The following MCTP1 variants were observed in gnomAD, a reference collection of about 807,000 sequenced individuals.
MCTP1 encodes multiple C2 and transmembrane domain containing 1.
Under a neutral mutation model 120.6 loss-of-function variants are expected in MCTP1, and 69 were observed. The ratio of observed to expected loss-of-function variants is 0.57; its 90% CI spans 0.47 to 0.70. The LOEUF (loss-of-function observed/expected upper bound fraction) is 0.70, where lower values mean the gene tolerates loss of function less well. Ranked by LOEUF, MCTP1 falls within the 30% of genes least tolerant of loss-of-function variation. The probability of loss-of-function intolerance (pLI) is 0.00; values close to 1 mark genes in which losing one functional copy is unlikely to be tolerated. For missense variants in MCTP1, 1,203 were observed against 1,248.8 expected (o/e 0.96, Z 0.55); for synonymous variants, 529 against 493.1 (o/e 1.07, Z -0.96).
intron 1 of MCTP1, among the ~76,000 whole-genome samples, chr5:95,165,057 T>C (rs1475251887): frequency 6.6e-6 from 1 of 152,130 alleles, no homozygotes; most frequent in Non-Finnish European, 1.5e-5. Context: ...TCACAAGTCA[T>C]TGGTGAGAAG....
At chr5:94,904,367 C>A (rs944545435) in intron 10 of MCTP1, among the ~76,000 whole-genome samples, 40 of 152,172 alleles carry the variant, frequency 2.6e-4, no homozygotes, top group African/African-American at 9.7e-4. Context: ...TAATATGAAC[C>A]ACCCCTGCTA....
chr5:95,168,155 C>A (rs183212246), intron 1 of MCTP1, among the ~76,000 whole-genome samples: 60 of 152,270 alleles, frequency 3.9e-4, no homozygotes, highest in Middle Eastern at 3.4e-3. Flanking sequence ...AATAGGGAAT[C>A]CTTTCCCCAT....
At chr5:94,935,746 G>T (rs532724986) in intron 5 of MCTP1, among the ~76,000 whole-genome samples, 12 of 151,998 alleles carry the variant, frequency 7.9e-5, no homozygotes, top group Non-Finnish European at 1.2e-4. Context: ...CTCTGTGAGG[G>T]TCAATGTAAA....
intron 1 of MCTP1, among the ~76,000 whole-genome samples, chr5:95,190,078 T>C (rs1582482054): frequency 6.6e-6 from 1 of 152,130 alleles, no homozygotes. Flanking sequence ...TCTTTATTAA[T>C]GGCCTTCAAC....
intron 17 of MCTP1, among the ~76,000 whole-genome samples, chr5:94,831,314 A>G (rs1300844714): frequency 6.6e-6 from 1 of 152,240 alleles, no homozygotes; most frequent in Non-Finnish European, 1.5e-5. Context: ...AAATGGGCCT[A>G]TAGATTATGT....
At chr5:94,967,464 AACCTGAACTTAACTGCT>A (rs747136058) in intron 2 of MCTP1, among the ~76,000 whole-genome samples, 1 of 152,222 alleles carries the variant, frequency 6.6e-6, no homozygotes, top group Non-Finnish European at 1.5e-5. Context: ...AGGCTGCTGG[AACCTGAACTTAACTGCT>A]ACACTAGGCT....
intron 19 of MCTP1, among the ~76,000 whole-genome samples, chr5:94,728,298 C>T (rs10476615): frequency 0.27 from 40,348 of 152,028 alleles, 5,817 homozygotes; most frequent in African/African-American, 0.32. Flanking sequence ...CAGGATAAAA[C>T]AGTCTTAAGA....
chr5:95,117,757 T>G (rs2152400607), intron 1 of MCTP1, among the ~76,000 whole-genome samples: 1 of 152,268 alleles, frequency 6.6e-6, no homozygotes, highest in Non-Finnish European at 1.5e-5. Flanking sequence ...AGACATGGAA[T>G]AAAGCCAAAT....
intron 2 of MCTP1, among the ~76,000 whole-genome samples, chr5:94,966,283 TTAACTC>T (rs973372609): frequency 1.3e-5 from 2 of 152,188 alleles, no homozygotes; most frequent in African/African-American, 4.8e-5. Flanking sequence ...ATATTTTTCT[TTAACTC>T]TAAAACAGTG....
intron 17 of MCTP1, among the ~76,000 whole-genome samples, chr5:94,809,767 C>G (rs562636150): frequency 3.9e-5 from 6 of 152,182 alleles, no homozygotes; most frequent in African/African-American, 1.4e-4. Flanking sequence ...GTAACAATCA[C>G]TCTAAAAAAT....
At chr5:95,151,131 ATATATATATATATATATATATATAG>A (rs1457766545) in intron 1 of MCTP1, among the ~76,000 whole-genome samples, 1 of 17,396 alleles carries the variant, frequency 5.7e-5, no homozygotes, top group Non-Finnish European at 1.7e-4. Flanking sequence ...CGCCTGGCTC[ATATATATATATATATATATATATAG>A]TATTTTTAGT....
intron 8 of MCTP1, among the ~76,000 whole-genome samples, chr5:94,915,156 C>G (rs1305546208): frequency 6.6e-6 from 1 of 152,198 alleles, no homozygotes; most frequent in Admixed American, 6.5e-5. Context: ...GTGTACATAT[C>G]TACATTACAA....
At chr5:94,777,553 T>C (rs1718956292) in intron 19 of MCTP1, among the ~76,000 whole-genome samples, 1 of 152,104 alleles carries the variant, frequency 6.6e-6, no homozygotes, top group Non-Finnish European at 1.5e-5. Context: ...TGCCTGCTGC[T>C]GGGGTGGATC....
chr5:94,764,532 GAAAA>G (rs1772108739), intron 19 of MCTP1, among the ~76,000 whole-genome samples: 2 of 152,132 alleles, frequency 1.3e-5, no homozygotes, highest in South Asian at 4.1e-4. Flanking sequence ...GTGAAGGGAT[GAAAA>G]AAGATATTCC....
intron 19 of MCTP1, among the ~76,000 whole-genome samples, chr5:94,764,849 A>C (rs1191838983): frequency 6.6e-6 from 1 of 151,612 alleles, no homozygotes; most frequent in Non-Finnish European, 1.5e-5. Context: ...AAAAAAAAAA[A>C]AAATCAAACA....
At chr5:94,938,468 T>C (rs1445339852) in intron 5 of MCTP1, among the ~76,000 whole-genome samples, 2 of 152,072 alleles carry the variant, frequency 1.3e-5, no homozygotes, top group African/African-American at 4.8e-5. Context: ...CTCCTCTCTT[T>C]CTTGTTTTTG....
At chr5:94,751,120 C>G (rs756715457) in intron 19 of MCTP1, among the ~76,000 whole-genome samples, 2 of 151,966 alleles carry the variant, frequency 1.3e-5, no homozygotes, top group Non-Finnish European at 2.9e-5. Context: ...ACTGGCCGGG[C>G]TGAAGTAATC....
intron 17 of MCTP1, among the ~76,000 whole-genome samples, chr5:94,849,209 A>G (rs1350974634): frequency 4.6e-5 from 7 of 152,148 alleles, no homozygotes; most frequent in African/African-American, 1.7e-4. Flanking sequence ...ATATATTGAT[A>G]GGATTTTAGT....
intron 19 of MCTP1, among the ~76,000 whole-genome samples, chr5:94,719,617 TGA>T (rs1760378916): frequency 1.3e-5 from 2 of 151,956 alleles, no homozygotes; most frequent in Admixed American, 6.6e-5. Flanking sequence ...AGCTAAACAA[TGA>T]GAACATATAG....
Sources: allele counts gnomAD v4.1 joint callset (sites outside exome capture counted in the v4.1 genomes callset), GRCh38; gene constraint gnomAD v4.1.1; transcripts MANE v1.5; gene names NCBI Gene and HGNC (gene_info 2026-07-23, HGNC 2026-07-21).